CPLANE1: variants seen among roughly 807,000 people sequenced by gnomAD.
CPLANE1 encodes the protein ciliogenesis and planar polarity effector 1.
A neutral mutation model predicts 362.5 loss-of-function variants in CPLANE1; 263 were observed. That is an observed-to-expected ratio of 0.73 (90% confidence interval 0.66 to 0.80). CPLANE1 has a LOEUF of 0.80. Ranked by LOEUF, CPLANE1 falls within the 30% of genes least tolerant of loss-of-function variation. The probability of loss-of-function intolerance (pLI) is 0.00; values close to 1 mark genes in which losing one functional copy is unlikely to be tolerated. For synonymous variants in CPLANE1, 1,212 were observed against 1,302.6 expected, an observed-to-expected ratio of 0.93 and a Z score of 1.50; for missense variants, 3,461 against 3,793.4, an observed-to-expected ratio of 0.91 and a Z score of 2.30.
chr5:37,154,233 A>G (rs537740293), intron 41 of CPLANE1, among the ~76,000 whole-genome samples: 1 of 152,284 alleles, frequency 6.6e-6, no homozygotes, highest in East Asian at 1.9e-4. Context: ...ATCCCTTGCT[A>G]CAAACATATA....
intron 51 of CPLANE1, among the ~76,000 whole-genome samples, chr5:37,110,260 T>C (rs1194870864): frequency 6.6e-6 from 1 of 152,178 alleles, no homozygotes; most frequent in Non-Finnish European, 1.5e-5. Flanking sequence ...TCTCGTCACC[T>C]TTCCACACTG....
At chr5:37,169,997 G>A (rs747271850) in intron 33 of CPLANE1, 44 bp downstream of exon 33, 64 of 1,575,536 alleles carry the variant, frequency 4.1e-5, no homozygotes, top group East Asian at 9.0e-5. Context: ...TTACAGACAT[G>A]AGCCACCGCG....
In CPLANE1 at chr5:37,226,703, G is replaced by T; in HGVS notation, c.1892C>A (p.Ala631Glu). ...AAGTTGAAAGATACAAAGTATCCAT[G>T]CATTATGTCTTGAGCTTTTGCTTAA... ...LVLSKSSRHNAWILCIFQLFH... is the reference protein window; with the variant it reads ...LVLSKSSRHNEWILCIFQLFH... Residue 631 changes from alanine to glutamate, a missense_variant, in exon 12 of 53, where the codon GCA becomes GAA. Ala to Glu is a moderately radical substitution (Grantham distance 107, BLOSUM62 -1). Around this residue, in one of 2 missense-constraint regions of CPLANE1, gnomAD observed 3,380 missense variants for 3,666.1 expected, o/e 0.92. Transcript: ENST00000651892. 6.5e-7 allele frequency: 1 copy of T among 1,549,926 alleles called. No individual in the cohort carries two copies. The highest frequency in any genetic ancestry group is 8.7e-7 in the Non-Finnish European group (1 of 1,146,218).
Position 37,245,577 on chromosome 5 carries a change from A to C in CPLANE1, c.239T>G (p.Leu80Arg). ...SSNDAWLAGV[L>R]TTGELFLWNK... Reference sequence around the variant, plus strand: ...CCAAAGGAAAAGCTCTCCTGTAGTTAGTACCCCAGCCAGCCAGGCATCTGT... The same window carrying C: ...CCAAAGGAAAAGCTCTCCTGTAGTTCGTACCCCAGCCAGCCAGGCATCTGT... The change falls in exon 4 of 53, where the codon CTA (leucine) becomes CGA (arginine). Residue 80 changes from leucine (L) to arginine (R), a missense_variant. By Grantham distance (102) the Leu-to-Arg change is moderately radical. Around this residue, in one of 2 missense-constraint regions of CPLANE1, gnomAD observed 3,380 missense variants for 3,666.1 expected, o/e 0.92. Coordinates refer to ENST00000651892, the MANE Select transcript of CPLANE1 (RefSeq NM_001384732.1). The C allele has an allele frequency of 6.6e-7, 1 of 1,521,866 alleles. No homozygotes were observed. The highest frequency in any genetic ancestry group is 8.8e-7 in the Non-Finnish European group (1 of 1,134,508). 94.3% of individuals were successfully genotyped at this position (1,521,866 alleles called of 1,614,324 possible). A position where few individuals can be genotyped will look rare whatever the true frequency, so the allele number is the denominator to read the frequency against.
intron 37 of CPLANE1, 47 bp from the exon 38 acceptor site, chr5:37,162,613 AT>A (rs1222818813): frequency 7.4e-7 from 1 of 1,342,404 alleles, no homozygotes; most frequent in Admixed American, 1.7e-5. Context: ...AAGCTAACAG[AT>A]TACCAGGAGC....
At chr5:37,097,353 G>A in the CPLANE1 span, among the ~76,000 whole-genome samples, 1 of 151,886 alleles carries the variant, frequency 6.6e-6, no homozygotes, top group African/African-American at 2.4e-5. Flanking sequence ...GAAAAAGAAC[G>A]CAAAGTCTAC....
chr5:37,081,652 G>A, the CPLANE1 span, among the ~76,000 whole-genome samples: 1 of 151,920 alleles, frequency 6.6e-6, no homozygotes, highest in Middle Eastern at 3.2e-3. Flanking sequence ...AGAATGGAAA[G>A]ACAATAGGGC....
chr5:37,247,856 G>T (rs1740286882), intron 1 of CPLANE1, 111 bp from the exon 2 acceptor site: 4 of 740,820 alleles, frequency 5.4e-6, no homozygotes, highest in Non-Finnish European at 8.2e-6. Flanking sequence ...GGAGTGCAGT[G>T]ATATGATCTC....
chr5:37,242,581 A>G (rs1166755390), intron 6 of CPLANE1, among the ~76,000 whole-genome samples: 1 of 152,212 alleles, frequency 6.6e-6, no homozygotes, highest in Non-Finnish European at 1.5e-5. Context: ...GAAGGGAAAC[A>G]AGACAAAACA....
At position 37,184,816 on chromosome 5, in the gene CPLANE1, C is replaced by T. The variant is rs1447744662; in HGVS notation, c.4453G>A (p.Glu1485Lys). The stretch of plus-strand genomic sequence containing the variant: ...TGATAGATATTTATCCTACTTTTTT[C>T]TTCAACCGACAAAGCTTCAGAGAAC... ...DTFSEALSVE[E>K]KSRINIYQRN... The change falls in exon 25 of 53, where the codon GAA becomes AAA. Residue 1485 changes from glutamate to lysine, a missense_variant. Transcript: ENST00000651892. 1 of 1,607,712 alleles carries T rather than the reference C, an allele frequency of 6.2e-7. No homozygotes were observed. The highest frequency in any genetic ancestry group is 1.7e-5 in the Admixed American group (1 of 58,142).
intron 20 of CPLANE1, 36 bp downstream of exon 20, chr5:37,198,666 T>C: frequency 6.3e-7 from 1 of 1,577,336 alleles, no homozygotes; most frequent in Non-Finnish European, 8.6e-7. Flanking sequence ...TAATTTCAGT[T>C]AACACAGCAT....
Position 37,107,628 on chromosome 5 carries a change from A to C in CPLANE1, c.9730T>G (p.Ser3244Ala), listed in dbSNP as rs368852403. The C allele has an allele frequency of 1.2e-5, 20 of 1,610,966 alleles. No homozygotes were observed. The highest frequency in any genetic ancestry group is 4.0e-5 in the African/African-American group (3 of 74,824). ...TACAGGTCCAGGGCCCAGTGGACAG[A>C]CAGGCCCTGGTCCTCCACGCTGGCC... The part of the protein sequence containing the change: ...MVASVEDQGL[S>A]VHWALDL The change falls in exon 53 of 53, where the codon TCT becomes GCT. Residue 3244 changes from serine (S) to alanine (A), a missense_variant. Coordinates refer to ENST00000651892, the MANE Select transcript of CPLANE1 (RefSeq NM_001384732.1).
chr5:37,122,292 T>G (rs1280629868), intron 48 of CPLANE1, 138 bp downstream of exon 48: 3 of 703,838 alleles, frequency 4.3e-6, no homozygotes, highest in Non-Finnish European at 7.4e-6. Flanking sequence ...ATCATTTTCC[T>G]TGCAGTGATA....
the CPLANE1 span, among the ~76,000 whole-genome samples, chr5:37,084,779 G>T: frequency 6.7e-6 from 1 of 150,262 alleles, no homozygotes; most frequent in African/African-American, 2.5e-5. Context: ...TTTAAAAAAA[G>T]ATATCTTTTT....
Position 37,141,485 on chromosome 5 carries a change from T to C in CPLANE1, c.8632+825A>G, listed in dbSNP as rs549155352. On this transcript the variant is annotated intron_variant, in intron 44 of 52. Transcript: ENST00000651892. ...CATATGTTGATGACTAAAACACACATGGCATCTAGAAAGAACTGAGAAAAT... is the reference window on the plus strand; with the variant it reads ...CATATGTTGATGACTAAAACACACACGGCATCTAGAAAGAACTGAGAAAAT... The C allele has an allele frequency of 1.7e-5, 17 of 984,560 alleles. No homozygotes were observed. The South Asian group carries it at 4.7e-4, about 27-fold the overall frequency. The allele number at this position is 984,560 out of a possible 1,614,324, so 61.0% of individuals were successfully genotyped here.
In CPLANE1 at chr5:37,107,674, C is replaced by G. The variant is rs759178721; in HGVS notation, c.9684G>C (p.Trp3228Cys). ...STGSILSKLD[W>C]NAIEDMVASV... ...TGGCCACCATGTCTTCGATGGCATTCCAGTCCAGCTTGCTGAGGATGCTGC... is the reference window on the plus strand; with the variant it reads ...TGGCCACCATGTCTTCGATGGCATTGCAGTCCAGCTTGCTGAGGATGCTGC... Residue 3228 changes from tryptophan (W) to cysteine (C), a missense_variant, in exon 53 of 53, where the codon TGG (tryptophan) becomes TGC (cysteine). By Grantham distance (215) the Trp-to-Cys change is radical. Transcript: ENST00000651892. 2 of 1,611,516 alleles carry G rather than the reference C, an allele frequency of 1.2e-6. No homozygotes were observed. Among genetic ancestry groups the G allele is most frequent in the Non-Finnish European group, 1.7e-6 (2 of 1,179,002 alleles).
chr5:37,083,089 G>A, the CPLANE1 span, among the ~76,000 whole-genome samples: 1 of 152,166 alleles, frequency 6.6e-6, no homozygotes, highest in Non-Finnish European at 1.5e-5. Flanking sequence ...CCCACAGACA[G>A]TTCACATCAC....
At position 37,142,357 on chromosome 5, in the gene CPLANE1, G is replaced by A. The variant is rs1477186639; in HGVS notation, c.8585C>T (p.Ser2862Leu). ...QKTCVFPTAD[S>L]AVSLSSSSDQ... The stretch of plus-strand genomic sequence containing the variant: ...ACTGGAACTGGAAAGGCTGACAGCT[G>A]AATCGGCAGTAGGAAACACACAGGT... Residue 2862 changes from serine (S) to leucine (L), a missense_variant, in exon 44 of 53, where the codon TCA becomes TTA. Ser to Leu is a moderately radical substitution (Grantham distance 145). Transcript: ENST00000651892. 1 of 1,610,378 alleles carries A rather than the reference G, an allele frequency of 6.2e-7. No individual in the cohort carries two copies. Among genetic ancestry groups the A allele is most frequent in the African/African-American group, 1.3e-5 (1 of 74,788 alleles).
chr5:37,094,247 G>T, the CPLANE1 span, among the ~76,000 whole-genome samples: 27 of 152,290 alleles, frequency 1.8e-4, no homozygotes, highest in Admixed American at 1.0e-3. Context: ...TTGAATCAGG[G>T]TCTGCAAGAC....
Sources: gnomAD v4.1 joint callset for allele counts (sites outside exome capture counted in the v4.1 genomes callset) on GRCh38, gnomAD v4.1.1 for gene constraint, gnomAD v4.1.1 regional missense constraint, MANE v1.5 for transcripts, NCBI Gene and HGNC (gene_info 2026-07-23, HGNC 2026-07-21) for gene names.